TOP3A: variants seen among roughly 807,000 people sequenced by gnomAD.
The protein encoded by TOP3A is DNA topoisomerase 3-alpha.
TOP3A carries 64 observed loss-of-function variants against 111.3 expected under a neutral mutation model. The ratio of observed to expected loss-of-function variants is 0.57; its 90% confidence interval spans 0.47 to 0.71. The LOEUF is 0.71. TOP3A is among the 30% of genes least tolerant of loss of function. The pLI is 0.00. For synonymous variants in TOP3A, 484 were observed against 485.1 expected, an observed-to-expected ratio of 1.00 and a Z score of 0.03; for missense variants, 1,104 against 1,285.0, an observed-to-expected ratio of 0.86 and a Z score of 2.15.
In TOP3A at chr17:18,277,736, A is replaced by T. The variant is rs1979468430; in HGVS notation, c.2766T>A (p.Cys922Ter). Reference protein sequence around the residue: ...GPNKGRQFHTCAKPREQQCGF... With the variant: ...GPNKGRQFHT Reference sequence around the variant, plus strand: ...CACACTGCTGCTCTCTCGGCTTGGCACATGTGTGGAACTGGCGCCCCTTGT... The same window carrying T: ...CACACTGCTGCTCTCTCGGCTTGGCTCATGTGTGGAACTGGCGCCCCTTGT... Residue 922 changes from cysteine (C) to a stop codon, truncating the protein, a stop_gained, in exon 18 of 19, where the codon TGT becomes TGA. Transcript: ENST00000321105. LOFTEE classifies it high-confidence loss of function. 1 of 1,613,974 alleles carries T rather than the reference A, an allele frequency of 6.2e-7. No homozygotes were observed.
chr17:18,302,683 C>G lies in TOP3A; in HGVS notation c.540G>C (p.Glu180Asp). ...CTGTCCTGACGGCATGGGGTGTGAT[C>G]TCAGAGAATCGGGCTCGCAACACCT... ...NLQVLRARFSEITPHAVRTAC... is the reference protein window; with the variant it reads ...NLQVLRARFSDITPHAVRTAC... Residue 180 changes from glutamate (E) to aspartate (D), a missense_variant, in exon 6 of 19, where the codon GAG (glutamate) becomes GAC (aspartate). By Grantham distance (45) the Glu-to-Asp change is conservative. Transcript: ENST00000321105. 6.2e-7 allele frequency: 1 copy of G among 1,614,126 alleles called. No homozygotes were observed. The highest frequency in any genetic ancestry group is 8.5e-7 in the Non-Finnish European group (1 of 1,179,990).
chr17:18,280,018 G>T (rs189229432), intron 17 of TOP3A, among the ~76,000 whole-genome samples: 2 of 152,040 alleles, frequency 1.3e-5, no homozygotes, highest in Non-Finnish European at 2.9e-5. Context: ...AGGCATAGTG[G>T]TGCATGCCTG....
chr17:18,301,008 G>C (rs1226193447), intron 8 of TOP3A, among the ~76,000 whole-genome samples: 1 of 152,196 alleles, frequency 6.6e-6, no homozygotes, highest in Admixed American at 6.5e-5. Context: ...GCATTATTAG[G>C]ATTAAACAAA....
In TOP3A at chr17:18,275,804, G is replaced by A. The variant is rs541423713; in HGVS notation, c.2828-824C>T. 8.0e-5 allele frequency among the ~76,000 whole-genome samples: 12 copies of A among 150,198 alleles called. No homozygotes were observed. In the South Asian group the frequency reaches 2.5e-3, roughly 32 times the overall value. On this transcript the variant is annotated intron_variant, in intron 18 of 18. Coordinates refer to ENST00000321105, the MANE Select transcript of TOP3A (RefSeq NM_004618.5). ...GAGAGTAGCTGGGACTACAGGGACC[G>A]ACCACCATGCCCGGCTAATTGTTTG...
intron 15 of TOP3A, among the ~76,000 whole-genome samples, chr17:18,284,274 AGT>A (rs902998487): frequency 5.9e-5 from 9 of 151,616 alleles, no homozygotes; most frequent in Admixed American, 2.0e-4. Context: ...GGCCTCCCAA[AGT>A]GCTGGGATTA....
chr17:18,284,172 G>GTT (rs1193367120), intron 15 of TOP3A, among the ~76,000 whole-genome samples: 9 of 130,886 alleles, frequency 6.9e-5, no homozygotes, highest in African/African-American at 2.6e-4. Context: ...GCTAATTTTT[G>GTT]TATTTTTTTT....
rs1240049744 is a variant in TOP3A, at chr17:18,273,155, C to G, written c.*1647G>C. The G allele has an allele frequency of 2.0e-5, 3 of 152,234 alleles. No homozygotes were observed. Among genetic ancestry groups the G allele is most frequent in the South Asian group, 2.1e-4 (1 of 4,826 alleles). The allele number at this position is 152,234 out of a possible 1,614,324, so 9.4% of individuals were successfully genotyped here. A position where few individuals can be genotyped will look rare whatever the true frequency, so the allele number is the denominator to read the frequency against. ...CCCAATACCCCATCAGAACACAGAG[C>G]CACTGGTCTATGGGCCAGGAGCCCA... On this transcript the variant is annotated 3_prime_UTR_variant, in exon 19 of 19. Coordinates refer to ENST00000321105, the MANE Select transcript of TOP3A (RefSeq NM_004618.5).
chr17:18,296,870 T>C (rs912836326), intron 9 of TOP3A, among the ~76,000 whole-genome samples: 1 of 152,182 alleles, frequency 6.6e-6, no homozygotes, highest in Non-Finnish European at 1.5e-5. Flanking sequence ...CTTTCTGGGG[T>C]CAAATAATTT....
Position 18,302,567 on chromosome 17 carries a change from C to T in TOP3A, c.643+13G>A, listed in dbSNP as rs772691597. On this transcript the variant is annotated intron_variant, in intron 6 of 18. Coordinates refer to ENST00000321105, the MANE Select transcript of TOP3A (RefSeq NM_004618.5). ...TTAATGTGGCCATGGGAGAGGTCTG[C>T]CTAGCTCCTCACCAATCCTCAGGTC... 1 of 1,613,294 alleles carries T rather than the reference C, an allele frequency of 6.2e-7. No individual in the cohort carries two copies. The highest frequency in any genetic ancestry group is 2.2e-5 in the East Asian group (1 of 44,856).
intron 5 of TOP3A, among the ~76,000 whole-genome samples, chr17:18,304,590 T>G (rs1434601665): frequency 6.6e-6 from 1 of 152,180 alleles, no homozygotes; most frequent in East Asian, 1.9e-4. Flanking sequence ...TCGAGCATTG[T>G]ATAATATGAG....
At chr17:18,299,433 G>T in intron 9 of TOP3A, 126 bp downstream of exon 9, 1 of 839,266 alleles carries the variant, frequency 1.2e-6, no homozygotes, top group Non-Finnish European at 2.0e-6. Flanking sequence ...TTTCTCCAGT[G>T]TTTTCTTGTG....
Position 18,271,632 on chromosome 17 carries a change from T to G in TOP3A, c.*3170A>C, listed in dbSNP as rs1978999145. On this transcript the variant is annotated 3_prime_UTR_variant, in exon 19 of 19. Transcript: ENST00000321105. ...CTCAGATGCCTGGCCCAGTCCATGG[T>G]GCAGCCCAATCCTGCAGTTTGCTTT... The G allele has an allele frequency of 3.1e-6, 1 of 318,054 alleles. No individual in the cohort carries two copies. Among genetic ancestry groups the G allele is most frequent in the South Asian group, 2.3e-5 (1 of 44,136 alleles). 19.7% of individuals were successfully genotyped at this position (318,054 alleles called of 1,614,324 possible). A position where few individuals can be genotyped will look rare whatever the true frequency, so the allele number is the denominator to read the frequency against.
At chr17:18,305,496 G>A (rs571680438) in intron 4 of TOP3A, among the ~76,000 whole-genome samples, 58 of 86,378 alleles carry the variant, frequency 6.7e-4, no homozygotes, top group Admixed American at 1.6e-3. Context: ...ACGCGCGCGC[G>A]CGCGCGCGCA....
At chr17:18,307,048 G>T in intron 3 of TOP3A, 82 bp from the exon 4 acceptor site, 1 of 982,510 alleles carries the variant, frequency 1.0e-6, no homozygotes, top group South Asian at 1.4e-5. Context: ...CTGTTCCAAT[G>T]GGTTCATGGT....
chr17:18,271,547 T>G lies in TOP3A; in HGVS notation c.*3255A>C, dbSNP rs1468470075. On this transcript the variant is annotated 3_prime_UTR_variant, in exon 19 of 19. Coordinates refer to ENST00000321105, the MANE Select transcript of TOP3A (RefSeq NM_004618.5). ...GCAACTGGGGCTCCAAGGATGAGGC[T>G]GCACACCCAGGGTGGCAGAAGAGGC... is the stretch of plus-strand genomic sequence containing the variant. 4.3e-6 allele frequency: 1 copy of G among 230,044 alleles called. No homozygotes were observed. The highest frequency in any genetic ancestry group is 8.8e-6 in the Non-Finnish European group (1 of 113,220). The allele number at this position is 230,044 out of a possible 1,614,324, so 14.3% of individuals were successfully genotyped here. A position where few individuals can be genotyped will look rare whatever the true frequency, so the allele number is the denominator to read the frequency against.
chr17:18,282,649 A>T lies in TOP3A; in HGVS notation c.2021+49T>A, dbSNP rs763728023. 12 of 1,608,772 alleles carry T rather than the reference A, an allele frequency of 7.5e-6. No individual in the cohort carries two copies. The African/African-American group carries it at 1.5e-4, about 20-fold the overall frequency. On this transcript the variant is annotated intron_variant, in intron 16 of 18. Transcript: ENST00000321105. ...CAGGGTCTTTCGAGCTACGGCTGAC[A>T]CCGCAGGTGCTGGGGAGCAGAGGTG... is the stretch of plus-strand genomic sequence containing the variant.
At chr17:18,293,064 C>CA (rs1338212008) in intron 10 of TOP3A, among the ~76,000 whole-genome samples, 2 of 152,306 alleles carry the variant, frequency 1.3e-5, no homozygotes, top group Admixed American at 6.5e-5. Context: ...CTAGCACACT[C>CA]AAAGAAGCCA....
At chr17:18,309,835 G>A (rs1378983416) in intron 1 of TOP3A, among the ~76,000 whole-genome samples, 3 of 144,912 alleles carry the variant, frequency 2.1e-5, no homozygotes, top group Non-Finnish European at 4.5e-5. Context: ...TCAGCCTCCC[G>A]AGTAGCTGGG....
In TOP3A at chr17:18,274,637, T is replaced by C; in HGVS notation, c.*165A>G. On this transcript the variant is annotated 3_prime_UTR_variant, in exon 19 of 19. Coordinates refer to ENST00000321105, the MANE Select transcript of TOP3A (RefSeq NM_004618.5). ...CCAGCAGAGCTGGCCTGCTCCAGAGTGATCTGGACCTTGTGCCCCTTAACA... is the reference window on the plus strand; with the variant it reads ...CCAGCAGAGCTGGCCTGCTCCAGAGCGATCTGGACCTTGTGCCCCTTAACA... 12 of 1,180,790 alleles carry C rather than the reference T, an allele frequency of 1.0e-5. No individual in the cohort carries two copies. Among genetic ancestry groups the C allele is most frequent in the Non-Finnish European group, 1.4e-5 (12 of 871,452 alleles). 73.1% of individuals were successfully genotyped at this position (1,180,790 alleles called of 1,614,324 possible).
Sources: allele counts gnomAD v4.1 joint callset (sites outside exome capture counted in the v4.1 genomes callset), GRCh38; gene constraint gnomAD v4.1.1; transcripts MANE v1.5; gene names NCBI Gene and HGNC (gene_info 2026-07-23, HGNC 2026-07-21).